The following SEMA6D variants were observed in gnomAD, a reference collection of about 807,000 sequenced individuals.
The protein encoded by SEMA6D is semaphorin 6D.
A neutral mutation model predicts 106.6 loss-of-function variants in SEMA6D; 35 were observed. The observed-to-expected ratio is 0.33, with a 90% confidence interval of 0.25 to 0.44. The LOEUF is 0.44. SEMA6D is among the 20% of genes least tolerant of loss of function. SEMA6D has a pLI of 1.00. For synonymous variants in SEMA6D, 499 were observed against 487.7 expected, an observed-to-expected ratio of 1.02 and a Z score of -0.31; for missense variants, 1,185 against 1,345.9, an observed-to-expected ratio of 0.88 and a Z score of 1.87.
chr15:47,390,552 T>A (rs2039992583), intron 1 of SEMA6D, among the ~76,000 whole-genome samples: 1 of 142,646 alleles, frequency 7.0e-6, no homozygotes, highest in Admixed American at 7.0e-5. Flanking sequence ...TTGCTCACCT[T>A]GAACCAGCCT....
At chr15:47,255,263 G>A (rs192922920) in intron 1 of SEMA6D, among the ~76,000 whole-genome samples, 1 of 151,922 alleles carries the variant, frequency 6.6e-6, no homozygotes, top group Non-Finnish European at 1.5e-5. Flanking sequence ...TGTGATCGTT[G>A]TATTACTGTG....
At chr15:47,518,800 G>C (rs1418717437) in intron 3 of SEMA6D, among the ~76,000 whole-genome samples, 1 of 152,026 alleles carries the variant, frequency 6.6e-6, no homozygotes, top group Non-Finnish European at 1.5e-5. Context: ...AGCCTTCAGG[G>C]GCAATAACAG....
At chr15:47,719,222 A>G (rs2079278023) in intron 1 of SEMA6D, among the ~76,000 whole-genome samples, 2 of 151,732 alleles carry the variant, frequency 1.3e-5, no homozygotes, top group Admixed American at 6.6e-5. Context: ...TTAGGGCAGT[A>G]CTCCCTGTTC....
intron 1 of SEMA6D, among the ~76,000 whole-genome samples, chr15:47,377,335 G>A (rs1412715912): frequency 1.3e-5 from 2 of 152,256 alleles, no homozygotes; most frequent in Admixed American, 6.5e-5. Flanking sequence ...GTGGCCACAT[G>A]GGGAAATTCA....
intron 1 of SEMA6D, among the ~76,000 whole-genome samples, chr15:47,727,017 T>C (rs1220174586): frequency 6.6e-6 from 1 of 152,148 alleles, no homozygotes; most frequent in African/African-American, 2.4e-5. Flanking sequence ...TGGCACCCTT[T>C]TGAAGATTCC....
intron 1 of SEMA6D, among the ~76,000 whole-genome samples, chr15:47,384,893 G>GT (rs2039778160): frequency 2.9e-5 from 2 of 69,704 alleles, no homozygotes; most frequent in East Asian, 5.9e-4. Flanking sequence ...ATCATTTGTT[G>GT]TTTTTTCTCA....
intron 4 of SEMA6D, among the ~76,000 whole-genome samples, chr15:47,709,774 A>G (rs1182244511): frequency 6.6e-6 from 1 of 152,142 alleles, no homozygotes; most frequent in Non-Finnish European, 1.5e-5. Context: ...CTTTGTTTCC[A>G]ATTTCTAGAA....
chr15:47,709,339 C>T (rs2078972375), intron 4 of SEMA6D, among the ~76,000 whole-genome samples: 1 of 152,156 alleles, frequency 6.6e-6, no homozygotes, highest in South Asian at 2.1e-4. Flanking sequence ...TCCCTGTACT[C>T]TACCCACACC....
chr15:47,581,257 C>A, intron 3 of SEMA6D: 1 of 420,190 alleles, frequency 2.4e-6, no homozygotes, highest in Admixed American at 2.7e-5. Flanking sequence ...GGGCCCCCAA[C>A]CCTATTTTCT....
At chr15:47,746,778 C>A (rs761019768) in intron 1 of SEMA6D, among the ~76,000 whole-genome samples, 3 of 152,104 alleles carry the variant, frequency 2.0e-5, no homozygotes, top group Non-Finnish European at 2.9e-5. Context: ...TTGAGCCCTT[C>A]CTTTGTCTAG....
intron 1 of SEMA6D, among the ~76,000 whole-genome samples, chr15:47,366,444 G>A (rs574602141): frequency 6.6e-6 from 1 of 152,288 alleles, no homozygotes; most frequent in Non-Finnish European, 1.5e-5. Context: ...CGGAGATGAG[G>A]ATATAGTCCC....
rs28569931 is a variant in SEMA6D at position 47,766,129 on chromosome 15, G to A, written c.1593G>A (p.Pro531=). 2,033 of 1,613,668 alleles carry A rather than the reference G, an allele frequency of 1.3e-3. 25 individuals carry two copies. In the African/African-American group the frequency reaches 0.023, roughly 18 times the overall value. The change falls in exon 15 of 19, where the codon CCG becomes CCA. Residue 531 remains proline, a synonymous_variant. Coordinates refer to ENST00000536845, the MANE Select transcript of SEMA6D (RefSeq NM_001358351.3). ...CKKSCIASRD[P]YCGWLSQGSC... ...GGTCTTGTATTGCATCTCGTGACCC[G>A]TATTGTGGCTGGTTAAGCCAGGGAT...
chr15:47,227,443 T>TTTCTTTCTTTCTTTCTTTCTTTCC, intron 1 of SEMA6D, among the ~76,000 whole-genome samples: 1 of 135,440 alleles, frequency 7.4e-6, no homozygotes, highest in Admixed American at 7.6e-5. Flanking sequence ...CTTTCTTTTC[T>TTTCTTTCTTTCTTTCTTTCTTTCC]TTCTTTTCTT....
chr15:47,490,962 A>AAGAT (rs2043455141), intron 3 of SEMA6D, among the ~76,000 whole-genome samples: 1 of 152,202 alleles, frequency 6.6e-6, no homozygotes. Flanking sequence ...AGTGCTGGAG[A>AAGAT]AGATGTGTTT....
intron 4 of SEMA6D, among the ~76,000 whole-genome samples, chr15:47,642,310 T>C (rs1434618737): frequency 6.6e-6 from 1 of 152,166 alleles, no homozygotes; most frequent in Non-Finnish European, 1.5e-5. Context: ...GCCCTTTGCT[T>C]TTACAGATGA....
intron 1 of SEMA6D, among the ~76,000 whole-genome samples, chr15:47,254,875 T>TTGTGTGTGTG (rs58271041): frequency 0.085 from 11,445 of 134,184 alleles, 598 homozygotes; most frequent in Non-Finnish European, 0.1. Flanking sequence ...ACCTGTGGTT[T>TTGTGTGTGTG]TGTGTGTGTG....
intron 4 of SEMA6D, among the ~76,000 whole-genome samples, chr15:47,630,552 T>C (rs1302266769): frequency 6.6e-6 from 1 of 151,746 alleles, no homozygotes; most frequent in Non-Finnish European, 1.5e-5. Flanking sequence ...AGGGACAGTG[T>C]TATTTCTTCC....
intron 2 of SEMA6D, among the ~76,000 whole-genome samples, chr15:47,423,665 A>G (rs1399984142): frequency 6.6e-6 from 1 of 152,092 alleles, no homozygotes; most frequent in Non-Finnish European, 1.5e-5. Flanking sequence ...ATATACAATA[A>G]TGTGTCTTGA....
At chr15:47,273,105 A>C (rs986128099) in intron 1 of SEMA6D, among the ~76,000 whole-genome samples, 1 of 152,114 alleles carries the variant, frequency 6.6e-6, no homozygotes. Context: ...TGTTTGTTTC[A>C]CTACTTTGTG....
Sources: allele counts gnomAD v4.1 joint callset (sites outside exome capture counted in the v4.1 genomes callset), GRCh38; gene constraint gnomAD v4.1.1; transcripts MANE v1.5; gene names NCBI Gene and HGNC (gene_info 2026-07-23, HGNC 2026-07-21).